ATRX: variants seen among roughly 807,000 people sequenced by gnomAD.
The protein encoded by ATRX is ATRX chromatin remodeler.
ATRX carries 12 observed loss-of-function variants against 172.6 expected under a neutral mutation model. The observed-to-expected ratio is 0.07, with a 90% CI of 0.04 to 0.11. The LOEUF is 0.11. ATRX is among the 10% of genes least tolerant of loss of function. ATRX has a pLI of 1.00. For missense variants in ATRX, 1,368 were observed against 1,767.4 expected (o/e 0.77, Z 4.05); for synonymous variants, 674 against 594.7 (o/e 1.13, Z -1.94).
rs990205560 is a variant in ATRX at position 77,598,093 on chromosome X, T to C, written c.5956+1318A>G. Among the ~76,000 whole-genome samples, 24 of 111,732 alleles carry C rather than the reference T, an allele frequency of 2.1e-4. 2 individuals are homozygous for C. In the Admixed American group the frequency reaches 2.2e-3, roughly 10 times the overall value. ...TGTGGTACATATAAACCATAGAATA[T>C]ACACAGCCACAATAAAGAACAAAAT... is the stretch of plus-strand genomic sequence containing the variant. On this transcript the variant is annotated intron_variant, in intron 25 of 34. Coordinates refer to ENST00000373344, the MANE Select transcript of ATRX (RefSeq NM_000489.6).
chrX:77,600,670 T>A, intron 22 of ATRX, 106 bp from the exon 23 acceptor site: 1 of 857,969 alleles, frequency 1.2e-6, no homozygotes, highest in Non-Finnish European at 1.7e-6. Context: ...TTTGGCAGTG[T>A]AGAGAAGCTT....
chrX:77,539,145 G>A (rs782038544), intron 30 of ATRX, among the ~76,000 whole-genome samples: 55 of 110,108 alleles, frequency 5.0e-4, no homozygotes, highest in African/African-American at 1.6e-3. Context: ...CGCCTGCCTC[G>A]GCCTCCTAAA....
chrX:77,566,203 G>A (rs1229686425), intron 28 of ATRX, among the ~76,000 whole-genome samples: 3 of 111,328 alleles, frequency 2.7e-5, no homozygotes, highest in Non-Finnish European at 3.8e-5. Flanking sequence ...AAACAAATAC[G>A]TGACAAAATA....
In ATRX at chrX:77,698,625, T is replaced by A; in HGVS notation, c.138A>T (p.Lys46Asn). Reference sequence around the variant, plus strand: ...CAGAGTTACTTCCAGAACCACTGATTTTATCTAAAAAAGAAGAAATAAAGA... The same window carrying A: ...CAGAGTTACTTCCAGAACCACTGATATTATCTAAAAAAGAAGAAATAAAGA... ...PRLAMNQNTD[K>N]ISGSGSNSDM... The change falls in exon 3 of 35, where the codon AAA becomes AAT. Residue 46 changes from lysine (K) to asparagine (N), a missense_variant. Lys to Asn is a moderately conservative substitution (Grantham distance 94, BLOSUM62 0). Around this residue, in one of 17 missense-constraint regions of ATRX, gnomAD observed 84 missense variants for 82.8 expected, o/e 1.01. Coordinates refer to ENST00000373344, the MANE Select transcript of ATRX (RefSeq NM_000489.6). 8.3e-7 allele frequency: 1 copy of A among 1,198,901 alleles called. No homozygotes were observed. The highest frequency in any genetic ancestry group is 1.1e-6 in the Non-Finnish European group (1 of 884,119).
intron 1 of ATRX, among the ~76,000 whole-genome samples, chrX:77,750,011 A>C (rs1477552495): frequency 9.0e-6 from 1 of 111,356 alleles, no homozygotes; most frequent in East Asian, 2.8e-4. Context: ...ACAATGCCTA[A>C]CATAATTCAC....
chrX:77,726,828 T>TAAA (rs372578584), intron 1 of ATRX, among the ~76,000 whole-genome samples: 1 of 99,356 alleles, frequency 1.0e-5, no homozygotes, highest in Non-Finnish European at 2.1e-5. Flanking sequence ...TAATGTCACT[T>TAAA]AAAAAAAAAA....
chrX:77,728,721 T>C (rs1291208498), intron 1 of ATRX, among the ~76,000 whole-genome samples: 2 of 109,738 alleles, frequency 1.8e-5, no homozygotes, highest in African/African-American at 6.6e-5. Context: ...TCTCCCTTTA[T>C]CTATACAAAG....
intron 1 of ATRX, among the ~76,000 whole-genome samples, chrX:77,772,805 T>A (rs939125899): frequency 9.1e-6 from 1 of 109,759 alleles, no homozygotes; most frequent in Admixed American, 9.9e-5. Flanking sequence ...ACTTTTTTAA[T>A]GGTTAAAATG....
At chrX:77,707,610 T>C (rs1441293176) in intron 2 of ATRX, among the ~76,000 whole-genome samples, 1 of 110,910 alleles carries the variant, frequency 9.0e-6, no homozygotes, top group Non-Finnish European at 1.9e-5. Flanking sequence ...AGCTGGGCAC[T>C]GTGGCACACA....
At chrX:77,650,938 T>C (rs1557116396) in intron 15 of ATRX, among the ~76,000 whole-genome samples, 1 of 111,698 alleles carries the variant, frequency 9.0e-6, no homozygotes, top group African/African-American at 3.2e-5. Flanking sequence ...GAGAATTCAG[T>C]TTAATAATGG....
intron 34 of ATRX, 108 bp downstream of exon 34, chrX:77,520,680 C>A: frequency 1.3e-6 from 1 of 796,570 alleles, no homozygotes; most frequent in Non-Finnish European, 1.8e-6. Flanking sequence ...AATGACTATC[C>A]ATCCCTCCAT....
rs782048801 is a variant in ATRX, at chrX:77,764,672, C to T, written c.20+21310G>A. ...TGGAATTGTTTTACTCCTTTTTTCC[C>T]TCCACCACAGACTTCCTCCTAGTAC... On this transcript the variant is annotated intron_variant, in intron 1 of 34. Transcript: ENST00000373344. Among the ~76,000 whole-genome samples, 7 of 111,675 alleles carry T rather than the reference C, an allele frequency of 6.3e-5. No homozygotes were observed. The South Asian group carries it at 2.6e-3, about 42-fold the overall frequency.
intron 5 of ATRX, 109 bp downstream of exon 5, chrX:77,696,468 A>C (rs1335840532): frequency 3.6e-6 from 3 of 843,484 alleles, no homozygotes; most frequent in Non-Finnish European, 5.1e-6. Flanking sequence ...GGAAAATGCC[A>C]TGTTTGGTCG....
chrX:77,681,051 G>C (rs1364825960), intron 9 of ATRX, among the ~76,000 whole-genome samples: 2 of 111,193 alleles, frequency 1.8e-5, no homozygotes, highest in African/African-American at 6.5e-5. Context: ...GGGTTTTAAT[G>C]AGGTAAATTA....
intron 1 of ATRX, among the ~76,000 whole-genome samples, chrX:77,740,172 G>A (rs1489164334): frequency 9.2e-6 from 1 of 108,836 alleles, no homozygotes; most frequent in East Asian, 2.8e-4. Flanking sequence ...AAAAAACGCT[G>A]AGAAAACTGA....
chrX:77,642,723 T>A (rs2068716618), intron 15 of ATRX, among the ~76,000 whole-genome samples: 1 of 110,412 alleles, frequency 9.1e-6, no homozygotes, highest in African/African-American at 3.3e-5. Flanking sequence ...AGCTCCAAAC[T>A]CCAGTTCCCA....
chrX:77,577,237 C>T (rs1390211680), intron 27 of ATRX, among the ~76,000 whole-genome samples: 13 of 111,489 alleles, frequency 1.2e-4, no homozygotes, highest in African/African-American at 3.9e-4. Flanking sequence ...TTCTAACCAA[C>T]AGTACACAAG....
chrX:77,663,187 C>T (rs1557123903), intron 12 of ATRX, among the ~76,000 whole-genome samples, 195 bp downstream of exon 12: 1 of 111,299 alleles, frequency 9.0e-6, no homozygotes, highest in East Asian at 2.8e-4. Flanking sequence ...GCTGGGACTA[C>T]AGGTGCACAC....
At chrX:77,594,054 T>C (rs1215358920) in intron 25 of ATRX, 1 of 367,139 alleles carries the variant, frequency 2.7e-6, no homozygotes, top group Non-Finnish European at 4.7e-6. Flanking sequence ...GAGCTCTAGA[T>C]AGAAAAAGAG....
Sources: allele counts gnomAD v4.1 joint callset (sites outside exome capture counted in the v4.1 genomes callset), GRCh38; gene constraint gnomAD v4.1.1; regional missense constraint gnomAD v4.1.1; transcripts MANE v1.5; gene names NCBI Gene and HGNC (gene_info 2026-07-23, HGNC 2026-07-21).